The following RTL4 variants were observed in gnomAD, a reference collection of about 807,000 sequenced individuals.
RTL4 encodes retrotransposon Gag-like protein 4.
In RTL4, 4 loss-of-function variants were observed where a neutral mutation model predicts 5.3. The ratio of observed to expected loss-of-function variants is 0.75; its 90% CI spans 0.37 to 1.72. The LOEUF is 1.72. Among genes scored for constraint, RTL4 ranks in the 40% most tolerant of loss-of-function variants. The pLI, the probability that RTL4 is intolerant of heterozygous loss-of-function variation, is 0.04. For missense variants in RTL4, 260 were observed against 227.1 expected (o/e 1.14, Z -0.93); for synonymous variants, 98 against 87.3 (o/e 1.12, Z -0.68).
chrX:112,438,278 G>A, the RTL4 span, among the ~76,000 whole-genome samples: 1 of 111,419 alleles, frequency 9.0e-6, no homozygotes, highest in Non-Finnish European at 1.9e-5. Context: ...AGTTGATGCT[G>A]GCTATTGTCA....
the RTL4 span, among the ~76,000 whole-genome samples, chrX:112,445,882 G>T: frequency 1.8e-5 from 2 of 112,326 alleles, no homozygotes; most frequent in Non-Finnish European, 3.8e-5. Flanking sequence ...AATAAAGCTT[G>T]TGAAGGTTAA....
chrX:112,278,292 G>A, the RTL4 span, among the ~76,000 whole-genome samples: 1 of 111,854 alleles, frequency 8.9e-6, no homozygotes, highest in Admixed American at 9.5e-5. Context: ...TTGTATATAG[G>A]AATCATGTTT....
chrX:112,332,033 A>G, the RTL4 span, among the ~76,000 whole-genome samples: 4 of 108,682 alleles, frequency 3.7e-5, no homozygotes, highest in African/African-American at 1.3e-4. Context: ...GGGGAGGGAT[A>G]GCATTGGGAG....
At chrX:112,267,138 G>A in the RTL4 span, among the ~76,000 whole-genome samples, 92 of 111,369 alleles carry the variant, frequency 8.3e-4, no homozygotes, top group African/African-American at 2.5e-3. Flanking sequence ...TGCCATAAAT[G>A]TATGGCCTCA....
chrX:112,370,612 A>G, the RTL4 span, among the ~76,000 whole-genome samples: 1 of 111,231 alleles, frequency 9.0e-6, no homozygotes, highest in African/African-American at 3.3e-5. Context: ...GGGAGGCACC[A>G]TTGTCCCTGA....
chrX:112,224,430 C>T, the RTL4 span, among the ~76,000 whole-genome samples: 1 of 109,195 alleles, frequency 9.2e-6, no homozygotes, highest in Non-Finnish European at 1.9e-5. Context: ...CAACCTCCGC[C>T]TCCCAGGTTC....
the RTL4 span, among the ~76,000 whole-genome samples, chrX:112,281,344 TA>T: frequency 2.2e-4 from 25 of 112,279 alleles, no homozygotes; most frequent in African/African-American, 7.8e-4. Context: ...GGCTGAATAG[TA>T]TTTCAATGTG....
At chrX:112,333,083 G>GGTGT in the RTL4 span, among the ~76,000 whole-genome samples, 1,680 of 104,508 alleles carry the variant, frequency 0.016, 31 homozygotes, top group African/African-American at 0.054. Context: ...CTCCTTCAAT[G>GGTGT]GTGTGTGTGT....
the RTL4 span, among the ~76,000 whole-genome samples, chrX:112,272,424 A>G: frequency 9.0e-6 from 1 of 111,489 alleles, no homozygotes; most frequent in African/African-American, 3.3e-5. Flanking sequence ...GACATGGAGG[A>G]GGGGGAAAGC....
chrX:112,432,265 C>A, the RTL4 span, among the ~76,000 whole-genome samples: 2 of 98,806 alleles, frequency 2.0e-5, no homozygotes, highest in African/African-American at 7.6e-5. Context: ...ATGGCTGGGT[C>A]AAATGGTATT....
the RTL4 span, among the ~76,000 whole-genome samples, chrX:112,395,132 G>A: frequency 8.9e-6 from 1 of 111,919 alleles, no homozygotes; most frequent in Non-Finnish European, 1.9e-5. Flanking sequence ...CTAGTTGAAA[G>A]CTATTACTGA....
At chrX:112,097,193 C>T in the RTL4 span, among the ~76,000 whole-genome samples, 1 of 111,523 alleles carries the variant, frequency 9.0e-6, no homozygotes, top group Non-Finnish European at 1.9e-5. Context: ...AACAAAAATC[C>T]CTGTCACTGT....
At chrX:112,256,828 G>A in the RTL4 span, among the ~76,000 whole-genome samples, 2 of 111,466 alleles carry the variant, frequency 1.8e-5, no homozygotes, top group African/African-American at 6.5e-5. Context: ...ATTGTTTATT[G>A]CTGGTGTATA....
chrX:112,416,610 C>T, the RTL4 span, among the ~76,000 whole-genome samples: 1 of 111,752 alleles, frequency 8.9e-6, no homozygotes, highest in Non-Finnish European at 1.9e-5. Context: ...TGGAGCCTTG[C>T]ATTCTCGTGT....
the RTL4 span, among the ~76,000 whole-genome samples, chrX:112,393,236 C>T: frequency 1.0e-5 from 1 of 99,864 alleles, no homozygotes; most frequent in Non-Finnish European, 2.0e-5. Context: ...TGCAGTGGCG[C>T]GATCTCGGCT....
At chrX:112,230,403 C>T in the RTL4 span, among the ~76,000 whole-genome samples, 1 of 111,958 alleles carries the variant, frequency 8.9e-6, no homozygotes, top group Non-Finnish European at 1.9e-5. Context: ...GTGGGAGTGA[C>T]CCGATTTTCC....
chrX:112,311,119 C>A, the RTL4 span, among the ~76,000 whole-genome samples: 1 of 108,349 alleles, frequency 9.2e-6, no homozygotes, highest in East Asian at 2.9e-4. Flanking sequence ...GCCTTAAGCT[C>A]TTTGAAGTTG....
the RTL4 span, among the ~76,000 whole-genome samples, chrX:112,310,071 GAATTTCA>G: frequency 1.9e-5 from 2 of 104,497 alleles, no homozygotes; most frequent in Non-Finnish European, 3.9e-5. Flanking sequence ...ACAGATACAT[GAATTTCA>G]TAGTCCATTC....
the RTL4 span, among the ~76,000 whole-genome samples, chrX:112,231,616 C>A: frequency 5.7e-5 from 6 of 105,508 alleles, no homozygotes; most frequent in Admixed American, 4.1e-4. Context: ...GATATACCTA[C>A]TGCTAAATGA....
Sources: allele counts gnomAD v4.1 joint callset (sites outside exome capture counted in the v4.1 genomes callset), GRCh38; gene constraint gnomAD v4.1.1; transcripts MANE v1.5; gene names NCBI Gene and HGNC (gene_info 2026-07-23, HGNC 2026-07-21).